Variants in TRPC7 observed in about 807,000 individuals in gnomAD.
The protein encoded by TRPC7 is short transient receptor potential channel 7.
A neutral mutation model predicts 90.1 loss-of-function variants in TRPC7; 42 were observed. That is an observed-to-expected ratio of 0.47 (90% confidence interval 0.36 to 0.60). TRPC7 has a LOEUF of 0.60. Among genes scored for constraint, TRPC7 ranks in the 20% least tolerant of loss-of-function variants. The pLI is 0.00. For synonymous variants in TRPC7, 451 were observed against 436.3 expected (o/e 1.03, Z -0.42); for missense variants, 955 against 1,112.3 (o/e 0.86, Z 2.01).
At chr5:136,295,126 C>T (rs367829948) in intron 3 of TRPC7, among the ~76,000 whole-genome samples, 9 of 142,624 alleles carry the variant, frequency 6.3e-5, no homozygotes, top group South Asian at 2.5e-4. Flanking sequence ...CATCACACAC[C>T]GGGGCCTGTT....
intron 3 of TRPC7, among the ~76,000 whole-genome samples, chr5:136,290,530 A>C (rs890931115): frequency 6.6e-6 from 1 of 152,246 alleles, no homozygotes; most frequent in African/African-American, 2.4e-5. Context: ...CAACTGGAAG[A>C]AAGGGTATCA....
intron 2 of TRPC7, among the ~76,000 whole-genome samples, chr5:136,348,286 C>T (rs535375663): frequency 6.6e-6 from 1 of 152,362 alleles, no homozygotes; most frequent in East Asian, 1.9e-4. Flanking sequence ...TGTTTACTCC[C>T]TCCAGTAGAT....
intron 5 of TRPC7, 126 bp from the exon 6 acceptor site, chr5:136,252,008 G>T: frequency 1.4e-6 from 1 of 717,142 alleles, no homozygotes; most frequent in Non-Finnish European, 2.3e-6. Context: ...ACCGTCGATA[G>T]CCAGAGGCAG....
chr5:136,360,207 A>G (rs1760525085), intron 1 of TRPC7, among the ~76,000 whole-genome samples: 1 of 152,256 alleles, frequency 6.6e-6, no homozygotes, highest in South Asian at 2.1e-4. Flanking sequence ...CTAAATTCAG[A>G]GTCCCTGTGA....
At chr5:136,363,096 C>A (rs1437934114) in intron 1 of TRPC7, among the ~76,000 whole-genome samples, 1 of 152,092 alleles carries the variant, frequency 6.6e-6, no homozygotes, top group Non-Finnish European at 1.5e-5. Context: ...TAAGTAAAAT[C>A]AGTTTCTAAT....
At chr5:136,221,056 A>G (rs1755441847) in intron 10 of TRPC7, among the ~76,000 whole-genome samples, 1 of 152,144 alleles carries the variant, frequency 6.6e-6, no homozygotes, top group South Asian at 2.1e-4. Flanking sequence ...AAAGATGGAC[A>G]TAGAAAGCCT....
chr5:136,325,432 C>A (rs1759317020), intron 2 of TRPC7, among the ~76,000 whole-genome samples: 1 of 152,154 alleles, frequency 6.6e-6, no homozygotes, highest in Non-Finnish European at 1.5e-5. Flanking sequence ...CTCTCTCCTT[C>A]CTTCCTCCCT....
rs760987995 is a variant in TRPC7 at position 136,356,722 on chromosome 5, G to A, written c.666C>T (p.Tyr222=). Residue 222 remains tyrosine, a synonymous_variant, in exon 2 of 12, where the codon TAC becomes TAT. Transcript: ENST00000513104. The stretch of plus-strand genomic sequence containing the variant: ...AGTAGGCAGCACTCGCCAGTCCTTT[G>A]TAGGCGTTCATGCGCGAGCGCGAGT... The part of the protein sequence containing the change: ...FSHSRSRMNA[Y]KGLASAAYLS... 1.2e-6 allele frequency: 2 copies of A among 1,612,338 alleles called. No homozygotes were observed. Among genetic ancestry groups the A allele is most frequent in the South Asian group, 2.2e-5 (2 of 90,878 alleles).
In TRPC7 at chr5:136,251,701, G is replaced by A. The variant is rs10039374; in HGVS notation, c.1527C>T (p.Asp509=). The change falls in exon 6 of 12, where the codon GAC becomes GAT. Residue 509 remains aspartate, a synonymous_variant. Transcript: ENST00000513104. ...GAAGCGAGACATTGTGCAGCGTGTC[G>A]TCCTGCACGTGCTGGTCCACGTACA... The part of the protein sequence containing the change: ...AQLYVDQHVQ[D]DTLHNVSLPP... The A allele has an allele frequency of 2.0e-5, 32 of 1,613,688 alleles. No homozygotes were observed. Among genetic ancestry groups the A allele is most frequent in the Admixed American group, 8.3e-5 (5 of 60,002 alleles).
intron 2 of TRPC7, among the ~76,000 whole-genome samples, chr5:136,332,727 G>A (rs544256243): frequency 6.6e-6 from 1 of 152,302 alleles, no homozygotes; most frequent in Admixed American, 6.5e-5. Flanking sequence ...GAAAGATAGA[G>A]TTACTATTTG....
At chr5:136,243,886 T>A (rs1756247328) in intron 7 of TRPC7, among the ~76,000 whole-genome samples, 2 of 152,162 alleles carry the variant, frequency 1.3e-5, no homozygotes, top group African/African-American at 4.8e-5. Flanking sequence ...TTCTTCACTG[T>A]GCTTGCCGCC....
intron 3 of TRPC7, among the ~76,000 whole-genome samples, chr5:136,308,469 T>C (rs1758718431): frequency 1.3e-5 from 2 of 152,220 alleles, no homozygotes; most frequent in Non-Finnish European, 2.9e-5. Context: ...AAACGATGCC[T>C]CAGCAGGAAA....
At chr5:136,306,558 A>C (rs911120177) in intron 3 of TRPC7, among the ~76,000 whole-genome samples, 2 of 152,204 alleles carry the variant, frequency 1.3e-5, no homozygotes, top group African/African-American at 4.8e-5. Flanking sequence ...ATAAGAAAGC[A>C]GGAATGTCAG....
At chr5:136,331,010 G>T (rs2149846362) in intron 2 of TRPC7, among the ~76,000 whole-genome samples, 1 of 152,326 alleles carries the variant, frequency 6.6e-6, no homozygotes, top group South Asian at 2.1e-4. Context: ...GCCAGCAGTG[G>T]CTGGGGGAAA....
Position 136,365,302 on chromosome 5 carries a change from C to G in TRPC7, c.-48G>C, listed in dbSNP as rs1384758722. 14 of 1,536,556 alleles carry G rather than the reference C, an allele frequency of 9.1e-6. No individual in the cohort carries two copies. The Admixed American group carries it at 2.2e-4, about 24-fold the overall frequency. ...GTTCCTCCTCTAGATGACCGGAATC[C>G]GGTGTTGAGTCGCCAGAAGCTGGCT... is the stretch of plus-strand genomic sequence containing the variant. On this transcript the variant is annotated 5_prime_UTR_variant, in exon 1 of 12. Transcript: ENST00000513104.
chr5:136,350,268 A>G (rs1429375823), intron 2 of TRPC7, among the ~76,000 whole-genome samples: 1 of 152,222 alleles, frequency 6.6e-6, no homozygotes. Context: ...GAACCAGGTC[A>G]GTCTGGTTCC....
At chr5:136,246,799 C>A (rs984996976) in intron 7 of TRPC7, among the ~76,000 whole-genome samples, 1 of 151,718 alleles carries the variant, frequency 6.6e-6, no homozygotes. Context: ...ATTTTTTTTA[C>A]CACATATTGA....
At chr5:136,362,416 T>C (rs1580999465) in intron 1 of TRPC7, among the ~76,000 whole-genome samples, 1 of 152,166 alleles carries the variant, frequency 6.6e-6, no homozygotes, top group Non-Finnish European at 1.5e-5. Context: ...CAAATGGCAA[T>C]GTAATGATGA....
chr5:136,315,473 A>C, intron 3 of TRPC7, 124 bp downstream of exon 3: 1 of 1,048,546 alleles, frequency 9.5e-7, no homozygotes, highest in Non-Finnish European at 1.4e-6. Flanking sequence ...CCCTGTCTAA[A>C]GAGAATCTGG....
Sources: allele counts gnomAD v4.1 joint callset (sites outside exome capture counted in the v4.1 genomes callset), GRCh38; gene constraint gnomAD v4.1.1; transcripts MANE v1.5; gene names NCBI Gene and HGNC (gene_info 2026-07-23, HGNC 2026-07-21).